Variants in SDK1 observed in about 807,000 individuals in gnomAD.
SDK1 encodes sidekick cell adhesion molecule 1.
Under a neutral mutation model 245.5 loss-of-function variants are expected in SDK1, and 157 were observed. The ratio of observed to expected loss-of-function variants is 0.64; its 90% CI spans 0.56 to 0.73. The LOEUF (loss-of-function observed/expected upper bound fraction) is 0.73, where lower values mean the gene tolerates loss of function less well. Among genes scored for constraint, SDK1 ranks in the 30% least tolerant of loss-of-function variants. SDK1 has a pLI of 0.00. For synonymous variants in SDK1, 1,647 were observed against 1,278.5 expected, an observed-to-expected ratio of 1.29 and a Z score of -6.15; for missense variants, 3,583 against 3,002.3, an observed-to-expected ratio of 1.19 and a Z score of -4.52.
intron 5 of SDK1, among the ~76,000 whole-genome samples, chr7:3,883,789 T>C (rs1385223881): frequency 6.8e-6 from 1 of 146,898 alleles, no homozygotes; most frequent in Admixed American, 6.7e-5. Context: ...TCCATTCCTC[T>C]TGCCCTAGTT....
At chr7:4,190,513 T>G (rs1783133863) in intron 35 of SDK1, among the ~76,000 whole-genome samples, 1 of 152,182 alleles carries the variant, frequency 6.6e-6, no homozygotes, top group Non-Finnish European at 1.5e-5. Context: ...CTCCAGCTCG[T>G]GTTGTTTCAG....
intron 19 of SDK1, among the ~76,000 whole-genome samples, chr7:4,059,130 A>G (rs1026629641): frequency 6.6e-6 from 1 of 152,124 alleles, no homozygotes; most frequent in African/African-American, 2.4e-5. Flanking sequence ...CCAAAAGGAT[A>G]GACTGGCTGA....
chr7:3,943,914 G>C (rs1780472208), intron 5 of SDK1, among the ~76,000 whole-genome samples: 1 of 152,114 alleles, frequency 6.6e-6, no homozygotes, highest in Non-Finnish European at 1.5e-5. Context: ...TGAAGTGTTT[G>C]CCTTTCTGCC....
intron 13 of SDK1, among the ~76,000 whole-genome samples, chr7:3,975,106 C>T (rs368784608): frequency 1.6e-4 from 25 of 152,296 alleles, no homozygotes; most frequent in East Asian, 1.5e-3. Flanking sequence ...AGAGCCCAGG[C>T]GGGAAACCGT....
intron 44 of SDK1, 130 bp from the exon 45 acceptor site, chr7:4,264,994 G>C (rs113702862): frequency 7.2e-7 from 1 of 1,397,332 alleles, no homozygotes; most frequent in Non-Finnish European, 9.5e-7. Context: ...ATTGGGTTGG[G>C]GTGGGGAGAG....
At chr7:4,068,758 C>T (rs1281424309) in intron 20 of SDK1, among the ~76,000 whole-genome samples, 1 of 143,998 alleles carries the variant, frequency 6.9e-6, no homozygotes, top group Non-Finnish European at 1.5e-5. Flanking sequence ...GTCTTGCTCT[C>T]TCGCCCAGGC....
chr7:4,222,760 G>A lies in SDK1; in HGVS notation c.5827+1396G>A, dbSNP rs144358890. On this transcript the variant is annotated intron_variant, in intron 40 of 44. Transcript: ENST00000404826. ...CGTCTGTCCTGTTGTGGAAACAGAG[G>A]GTCCTGAGTTGGTAAAGGATGTGAG... 7.7e-3 allele frequency among the ~76,000 whole-genome samples: 1,170 copies of A among 152,302 alleles called. 13 individuals carry two copies. The highest frequency in any genetic ancestry group is 0.026 in the African/African-American group (1,100 of 41,560).
At chr7:3,572,639 T>C (rs1780152645) in intron 1 of SDK1, among the ~76,000 whole-genome samples, 1 of 152,024 alleles carries the variant, frequency 6.6e-6, no homozygotes, top group Admixed American at 6.6e-5. Flanking sequence ...CTTTACTCAG[T>C]GAAGATAGGC....
intron 5 of SDK1, among the ~76,000 whole-genome samples, chr7:3,850,829 A>AGGG (rs1780400669): frequency 3.0e-5 from 4 of 133,298 alleles, no homozygotes; most frequent in South Asian, 2.7e-4. Context: ...GGACACAGGA[A>AGGG]GGGGAACATC....
intron 4 of SDK1, among the ~76,000 whole-genome samples, chr7:3,729,861 T>A (rs1233994476): frequency 6.6e-6 from 1 of 151,916 alleles, no homozygotes; most frequent in Non-Finnish European, 1.5e-5. Context: ...TTGGCTAAGA[T>A]CAAGTGAAGA....
intron 40 of SDK1, among the ~76,000 whole-genome samples, chr7:4,225,952 C>T (rs142831109): frequency 6.6e-6 from 1 of 152,126 alleles, no homozygotes; most frequent in African/African-American, 2.4e-5. Flanking sequence ...CCGCGGGACC[C>T]GTGTTCTTTC....
chr7:3,925,011 T>C (rs1479172378), intron 5 of SDK1, among the ~76,000 whole-genome samples: 1 of 152,192 alleles, frequency 6.6e-6, no homozygotes, highest in Non-Finnish European at 1.5e-5. Context: ...TCCAGACTCT[T>C]AATGTGATTC....
chr7:4,043,299 G>T (rs1041449883), intron 17 of SDK1, among the ~76,000 whole-genome samples: 1 of 141,312 alleles, frequency 7.1e-6, no homozygotes, highest in Non-Finnish European at 1.5e-5. Context: ...CACAGCCAGG[G>T]GCCCAGGTAG....
chr7:3,706,862 T>C (rs1289405454), intron 4 of SDK1, among the ~76,000 whole-genome samples: 1 of 152,218 alleles, frequency 6.6e-6, no homozygotes, highest in Non-Finnish European at 1.5e-5. Context: ...GTGTTCATAG[T>C]AGTATCAAAT....
chr7:3,707,527 G>T (rs1016328868), intron 4 of SDK1, among the ~76,000 whole-genome samples: 13 of 152,328 alleles, frequency 8.5e-5, no homozygotes, highest in South Asian at 6.2e-4. Context: ...TGTATCTGCA[G>T]TTCTTGGGTA....
intron 1 of SDK1, among the ~76,000 whole-genome samples, chr7:3,448,336 C>T (rs1780409456): frequency 6.6e-6 from 1 of 152,000 alleles, no homozygotes; most frequent in Admixed American, 6.5e-5. Flanking sequence ...ATTATCTGGC[C>T]ATTTTTCTAT....
At chr7:4,137,409 C>T (rs1390233935) in intron 28 of SDK1, among the ~76,000 whole-genome samples, 1 of 152,206 alleles carries the variant, frequency 6.6e-6, no homozygotes, top group Non-Finnish European at 1.5e-5. Flanking sequence ...ACAAGGCTTC[C>T]AGTATCCAGC....
chr7:3,560,761 C>T (rs1477030837), intron 1 of SDK1, among the ~76,000 whole-genome samples: 2 of 152,186 alleles, frequency 1.3e-5, no homozygotes, highest in East Asian at 1.9e-4. Flanking sequence ...ATCCTCCTCT[C>T]CTACTACCCC....
At chr7:4,115,189 T>C (rs942713967) in intron 25 of SDK1, among the ~76,000 whole-genome samples, 2 of 152,202 alleles carry the variant, frequency 1.3e-5, no homozygotes, top group Admixed American at 1.3e-4. Flanking sequence ...TGATCTGAAT[T>C]AGTGAGGTTC....
Sources: gnomAD v4.1 joint callset for allele counts (sites outside exome capture counted in the v4.1 genomes callset) on GRCh38, gnomAD v4.1.1 for gene constraint, MANE v1.5 for transcripts, NCBI Gene and HGNC (gene_info 2026-07-23, HGNC 2026-07-21) for gene names.